Variants in PLXNA4 observed in about 807,000 individuals in gnomAD.
The protein encoded by PLXNA4 is plexin-A4.
Under a neutral mutation model 191.8 loss-of-function variants are expected in PLXNA4, and 44 were observed. The observed-to-expected ratio is 0.23, with a 90% CI of 0.18 to 0.29. The LOEUF is 0.29. Ranked by LOEUF, PLXNA4 falls within the 10% of genes least tolerant of loss-of-function variation. The probability of loss-of-function intolerance (pLI) is 1.00; values close to 1 mark genes in which losing one functional copy is unlikely to be tolerated. For missense variants in PLXNA4, 1,800 were observed against 2,488.8 expected (o/e 0.72, Z 5.89); for synonymous variants, 1,082 against 1,009.5 (o/e 1.07, Z -1.36).
At chr7:132,468,353 T>C (rs532874934) in intron 3 of PLXNA4, among the ~76,000 whole-genome samples, 18 of 152,260 alleles carry the variant, frequency 1.2e-4, no homozygotes, top group African/African-American at 4.3e-4. Flanking sequence ...TTTTGTAAAT[T>C]GGTGCTTATA....
chr7:132,311,202 G>GTGCGC (rs1554411105), intron 3 of PLXNA4, among the ~76,000 whole-genome samples: 1 of 151,064 alleles, frequency 6.6e-6, no homozygotes, highest in South Asian at 2.1e-4. Context: ...GTGCGCGTGT[G>GTGCGC]GCCTAAAGGA....
chr7:132,558,210 G>A lies in PLXNA4; in HGVS notation c.-87+18212C>T, dbSNP rs117159671. Among the ~76,000 whole-genome samples the A allele has an allele frequency of 3.7e-3, 566 of 152,330 alleles. 2 individuals carry two copies. The highest frequency in any genetic ancestry group is 5.6e-3 in the Non-Finnish European group (384 of 68,038). On this transcript the variant is annotated intron_variant, in intron 1 of 31. Transcript: ENST00000321063. The stretch of plus-strand genomic sequence containing the variant: ...TGTAAAATTTGTTACCTGGTTAAAT[G>A]CTGTTCCATGCCTACCAATATTTTT...
At chr7:132,419,575 T>C (rs1277399957) in intron 3 of PLXNA4, among the ~76,000 whole-genome samples, 1 of 152,262 alleles carries the variant, frequency 6.6e-6, no homozygotes, top group Non-Finnish European at 1.5e-5. Context: ...CAACAAGTGA[T>C]ACACTCTGAT....
At chr7:132,540,241 CACA>C (rs1243187760) in intron 1 of PLXNA4, among the ~76,000 whole-genome samples, 2 of 152,168 alleles carry the variant, frequency 1.3e-5, no homozygotes, top group Non-Finnish European at 2.9e-5. Context: ...GCTAAACAAT[CACA>C]ACAATTGCTG....
intron 1 of PLXNA4, among the ~76,000 whole-genome samples, chr7:132,515,359 T>C (rs1798897232): frequency 6.6e-6 from 1 of 152,230 alleles, no homozygotes; most frequent in African/African-American, 2.4e-5. Context: ...TCTATGCCTG[T>C]ACTTTCCGGT....
intron 4 of PLXNA4, among the ~76,000 whole-genome samples, chr7:132,258,211 A>C (rs1408170173): frequency 6.6e-6 from 1 of 152,252 alleles, no homozygotes; most frequent in Non-Finnish European, 1.5e-5. Flanking sequence ...AGTGAAGGGA[A>C]TCTGAAAACA....
intron 3 of PLXNA4, among the ~76,000 whole-genome samples, chr7:132,355,127 A>C (rs1385192717): frequency 1.3e-5 from 2 of 152,140 alleles, no homozygotes; most frequent in African/African-American, 4.8e-5. Flanking sequence ...CTTGCTCCCA[A>C]GCCTTTGGAT....
At chr7:132,563,743 T>C (rs1426440076) in intron 1 of PLXNA4, among the ~76,000 whole-genome samples, 16 of 57,662 alleles carry the variant, frequency 2.8e-4, no homozygotes, top group Admixed American at 4.1e-4. Flanking sequence ...CCTCCTCCTC[T>C]CCCTCCTCCT....
chr7:132,473,305 C>G (rs1585186947), intron 3 of PLXNA4, among the ~76,000 whole-genome samples: 1 of 152,274 alleles, frequency 6.6e-6, no homozygotes, highest in Non-Finnish European at 1.5e-5. Context: ...CCTGCAGTTT[C>G]TTAGTGTGTC....
At position 132,351,358 on chromosome 7, in the gene PLXNA4, CT is replaced by C. The variant is rs142017647; in HGVS notation, c.1372-53137del. Among the ~76,000 whole-genome samples the C allele has an allele frequency of 4.6e-3, 708 of 152,322 alleles. 2 individuals are homozygous for C. The highest frequency in any genetic ancestry group is 7.9e-3 in the Non-Finnish European group (536 of 68,020). On this transcript the variant is annotated intron_variant, in intron 3 of 31. Transcript: ENST00000321063. ...TAAGAGTACTTTAAATTCAAAAACT[CT>C]GCTTTTTAAATGTTTGAGAATCCTT...
chr7:132,293,908 T>C (rs1339908651), intron 4 of PLXNA4, among the ~76,000 whole-genome samples: 1 of 152,228 alleles, frequency 6.6e-6, no homozygotes, highest in Non-Finnish European at 1.5e-5. Flanking sequence ...CACAGCTCTC[T>C]TGAGCCCAGA....
At position 132,414,760 on chromosome 7, in the gene PLXNA4, G is replaced by A. The variant is rs185311559; in HGVS notation, c.1371+74532C>T. Among the ~76,000 whole-genome samples the A allele has an allele frequency of 3.6e-4, 55 of 152,226 alleles. 1 individual carries two copies. The highest frequency in any genetic ancestry group is 3.9e-4 in the East Asian group (2 of 5,174). On this transcript the variant is annotated intron_variant, in intron 3 of 31. Coordinates refer to ENST00000321063, the MANE Select transcript of PLXNA4 (RefSeq NM_020911.2). ...AAGAACAGAGACACTGGCAAGAGGC[G>A]TACGTATCATGAGAGGCATAGGATG...
chr7:132,571,762 C>A (rs1001199545), intron 1 of PLXNA4, among the ~76,000 whole-genome samples: 2 of 152,088 alleles, frequency 1.3e-5, no homozygotes, highest in Admixed American at 1.3e-4. Flanking sequence ...GAAGCAGTCA[C>A]CAGGGAGAAT....
chr7:132,627,197 C>T (rs1363050319), intron 2 of PLXNA4, among the ~76,000 whole-genome samples: 1 of 152,192 alleles, frequency 6.6e-6, no homozygotes, highest in Non-Finnish European at 1.5e-5. Flanking sequence ...ATCCCATCAC[C>T]TTCTGCCATT....
intron 4 of PLXNA4, chr7:132,266,476 T>C (rs1373069034): frequency 1.3e-5 from 2 of 152,248 alleles, no homozygotes; most frequent in African/African-American, 4.8e-5. Flanking sequence ...ACGAAACTCT[T>C]AATGAATTGA....
At chr7:132,579,722 G>A (rs938106526), upstream of PLXNA4, among the ~76,000 whole-genome samples, 3 of 152,222 alleles carry the variant, frequency 2.0e-5, no homozygotes, top group South Asian at 2.1e-4. Flanking sequence ...GGGGCCCAGC[G>A]AGCTCTCCCG....
At chr7:132,404,487 G>C (rs79841160) in intron 3 of PLXNA4, among the ~76,000 whole-genome samples, 2,425 of 152,268 alleles carry the variant, frequency 0.016, 34 homozygotes, top group Middle Eastern at 0.051. Context: ...CTCCCACTGG[G>C]TGGCAGAACA....
intron 4 of PLXNA4, among the ~76,000 whole-genome samples, chr7:132,246,780 CATCA>C (rs1799069134): frequency 3.7e-5 from 4 of 108,206 alleles, no homozygotes; most frequent in Admixed American, 9.2e-5. Flanking sequence ...TCATCATCAT[CATCA>C]TCATCATCAT....
chr7:132,218,972 A>AG (rs1562973576), intron 9 of PLXNA4, among the ~76,000 whole-genome samples: 1 of 147,806 alleles, frequency 6.8e-6, no homozygotes, highest in Non-Finnish European at 1.5e-5. Flanking sequence ...TTTGTTCAGG[A>AG]AAAAAAAAAG....
Sources: allele counts gnomAD v4.1 joint callset (sites outside exome capture counted in the v4.1 genomes callset), GRCh38; gene constraint gnomAD v4.1.1; transcripts MANE v1.5; gene names NCBI Gene and HGNC (gene_info 2026-07-23, HGNC 2026-07-21).